P3H2: variants seen among roughly 807,000 people sequenced by gnomAD.
P3H2 encodes leprecan-like 1.
A neutral mutation model predicts 87.0 loss-of-function variants in P3H2; 80 were observed. That is an observed-to-expected ratio of 0.92 (90% CI 0.77 to 1.11). P3H2 has a LOEUF of 1.11. Among genes scored for constraint, P3H2 ranks in the 50% least tolerant of loss-of-function variants. The pLI, the probability that P3H2 is intolerant of heterozygous loss-of-function variation, is 0.00. For missense variants in P3H2, 1,001 were observed against 923.9 expected (o/e 1.08, Z -1.08); for synonymous variants, 367 against 359.3 (o/e 1.02, Z -0.24).
chr3:190,052,216 T>G (rs1726005140), intron 1 of P3H2, among the ~76,000 whole-genome samples: 1 of 152,084 alleles, frequency 6.6e-6, no homozygotes, highest in Admixed American at 6.6e-5. Context: ...CATTAAGTAT[T>G]TGTCCTAATG....
intron 1 of P3H2, among the ~76,000 whole-genome samples, chr3:190,053,892 T>C (rs1480177088): frequency 6.6e-6 from 1 of 152,222 alleles, no homozygotes; most frequent in African/African-American, 2.4e-5. Context: ...AAGATTTCCC[T>C]GTTTTCTTAA....
At position 190,069,996 on chromosome 3, in the gene P3H2, G is replaced by A. The variant is rs370883168; in HGVS notation, c.480+50256C>T. Among the ~76,000 whole-genome samples the A allele has an allele frequency of 5.9e-5, 9 of 151,982 alleles. No homozygotes were observed. In the East Asian group the frequency reaches 9.7e-4, roughly 16 times the overall value. ...CTTCTTTTTAAGTTGTGGTAACGGA[G>A]AAGTGAGGTGAAAGGTGGTTTACTT... On this transcript the variant is annotated intron_variant, in intron 1 of 14. Coordinates refer to ENST00000319332, the MANE Select transcript of P3H2 (RefSeq NM_018192.4).
At position 190,102,099 on chromosome 3, in the gene P3H2, A is replaced by G. The variant is rs575518880; in HGVS notation, c.480+18153T>C. Among the ~76,000 whole-genome samples the G allele has an allele frequency of 1.9e-4, 29 of 152,334 alleles. No individual in the cohort carries two copies. In the East Asian group the frequency reaches 4.0e-3, roughly 21 times the overall value. Reference sequence around the variant, plus strand: ...CTCAGAATAAAAGATTCATTTCAAAATATTACTGCTAATTGACAATGCTTC... The same window carrying G: ...CTCAGAATAAAAGATTCATTTCAAAGTATTACTGCTAATTGACAATGCTTC... On this transcript the variant is annotated intron_variant, in intron 1 of 14. Transcript: ENST00000319332.
intron 7 of P3H2, 74 bp downstream of exon 7, chr3:189,984,476 A>G (rs1352809013): frequency 9.2e-7 from 1 of 1,086,044 alleles, no homozygotes; most frequent in East Asian, 2.4e-5. Context: ...ATAGAGCTAC[A>G]TTTCTCTATG....
intron 3 of P3H2, among the ~76,000 whole-genome samples, chr3:189,989,704 G>A (rs1723820365): frequency 6.6e-6 from 1 of 152,088 alleles, no homozygotes; most frequent in African/African-American, 2.4e-5. Context: ...ACCAGAGACT[G>A]GTAAAACAGG....
chr3:189,960,443 A>G (rs1248757729), intron 14 of P3H2, among the ~76,000 whole-genome samples: 16 of 152,112 alleles, frequency 1.1e-4, no homozygotes, highest in Admixed American at 9.8e-4. Context: ...CAAGAGTTCT[A>G]TTTTCTTTGA....
chr3:190,105,715 G>A (rs753435076), intron 1 of P3H2, among the ~76,000 whole-genome samples: 1 of 152,070 alleles, frequency 6.6e-6, no homozygotes. Flanking sequence ...GTTTCCACAG[G>A]TAGACTGTTG....
chr3:190,051,729 A>C (rs4687121), intron 1 of P3H2, among the ~76,000 whole-genome samples: 90,768 of 152,092 alleles, frequency 0.6, 28,408 homozygotes, highest in Admixed American at 0.72. Flanking sequence ...TCCAAGATCT[A>C]ATCTGCCAGG....
intron 1 of P3H2, among the ~76,000 whole-genome samples, chr3:190,097,969 C>T (rs1577322638): frequency 6.6e-6 from 1 of 152,260 alleles, no homozygotes; most frequent in East Asian, 1.9e-4. Flanking sequence ...CTTTAGGTCA[C>T]ATTAAGCCTT....
At chr3:190,044,556 C>A (rs568245189) in intron 1 of P3H2, among the ~76,000 whole-genome samples, 52 of 152,288 alleles carry the variant, frequency 3.4e-4, no homozygotes, top group African/African-American at 1.2e-3. Flanking sequence ...AGAATCCTCA[C>A]CAGGGACACT....
At position 189,972,958 on chromosome 3, in the gene P3H2, G is replaced by T; in HGVS notation, c.1615C>A (p.Arg539=). The change falls in exon 11 of 15, where the codon CGA becomes AGA. Residue 539 remains arginine, a synonymous_variant. Transcript: ENST00000319332. ...RLFYDISEKA[R]RIVESYFMLN... ...ATAAAATAAGATTCTACAATCCTTC[G>T]AGCCTTTTCGCTGATGTCATAAAAC... 1 of 1,613,608 alleles carries T rather than the reference G, an allele frequency of 6.2e-7. No individual in the cohort carries two copies. The highest frequency in any genetic ancestry group is 8.5e-7 in the Non-Finnish European group (1 of 1,179,864).
intron 1 of P3H2, among the ~76,000 whole-genome samples, chr3:190,117,160 TA>T (rs1260002038): frequency 1.3e-5 from 2 of 152,242 alleles, no homozygotes; most frequent in African/African-American, 2.4e-5. Context: ...GGTATGCCAC[TA>T]AATATGTGAC....
chr3:190,087,263 G>A (rs1431606584), intron 1 of P3H2, among the ~76,000 whole-genome samples: 1 of 152,152 alleles, frequency 6.6e-6, no homozygotes, highest in Non-Finnish European at 1.5e-5. Context: ...GAGGCCGGGT[G>A]CGGTGGCTCA....
chr3:189,964,012 T>G lies in P3H2; in HGVS notation c.1980A>C (p.Gly660=), dbSNP rs1431342217. Residue 660 remains glycine, a synonymous_variant, in exon 14 of 15, where the codon GGA becomes GGC. Transcript: ENST00000319332. ...ACCACAGAGCCACAGCACACCTCTT[T>G]CCCTTGGTGACTGCCTTCACCCCAT... ...NPHGVKAVTK[G]KRCAVALWFT... is the part of the protein sequence containing the mutation. 1 of 1,614,154 alleles carries G rather than the reference T, an allele frequency of 6.2e-7. No individual in the cohort carries two copies. The highest frequency in any genetic ancestry group is 1.1e-5 in the South Asian group (1 of 91,088).
rs1723792447 is a variant in P3H2 at position 189,988,967 on chromosome 3, A to C, written c.895T>G (p.Ser299Ala). The part of the protein sequence containing the change: ...RELATRPGRL[S>A]PIENFLPLHY... ...AGAGGAAGAAAATTCTCGATGGGAG[A>C]GAGGCGGCCAGGGCGGGTGGCAAGT... Residue 299 changes from serine to alanine, a missense_variant, in exon 4 of 15, where the codon TCT (serine) becomes GCT (alanine). Ser to Ala is a moderately conservative substitution (Grantham distance 99). Coordinates refer to ENST00000319332, the MANE Select transcript of P3H2 (RefSeq NM_018192.4). 6.2e-7 allele frequency: 1 copy of C among 1,614,070 alleles called. No homozygotes were observed. Among genetic ancestry groups the C allele is most frequent in the East Asian group, 2.2e-5 (1 of 44,878 alleles).
intron 1 of P3H2, among the ~76,000 whole-genome samples, chr3:190,032,826 C>A (rs1322436779): frequency 1.3e-5 from 2 of 152,052 alleles, no homozygotes; most frequent in Non-Finnish European, 2.9e-5. Context: ...TTTCCATGCA[C>A]CACGGTGGGG....
At position 189,972,010 on chromosome 3, in the gene P3H2, GC is replaced by G; in HGVS notation, c.1700-4del. On this transcript the variant is annotated splice_polypyrimidine_tract_variant and splice_region_variant and intron_variant, in intron 11 of 14. Coordinates refer to ENST00000319332, the MANE Select transcript of P3H2 (RefSeq NM_018192.4). The stretch of plus-strand genomic sequence containing the variant: ...GTCATTTCTTCTATCCTGCTGACCT[GC>G]CAGAAAAGGGAATAGGGAAGAACGA... The G allele has an allele frequency of 6.4e-7, 1 of 1,564,102 alleles. No homozygotes were observed. The highest frequency in any genetic ancestry group is 8.8e-7 in the Non-Finnish European group (1 of 1,134,546).
intron 1 of P3H2, among the ~76,000 whole-genome samples, chr3:190,105,942 C>T (rs1711816319): frequency 6.6e-6 from 1 of 152,164 alleles, no homozygotes; most frequent in African/African-American, 2.4e-5. Context: ...CTCCCATTTA[C>T]CTGACTGCTA....
In P3H2 at chr3:189,973,053, C is replaced by A. The variant is rs777448692; in HGVS notation, c.1549-29G>T. On this transcript the variant is annotated intron_variant, in intron 10 of 14. Transcript: ENST00000319332. The stretch of plus-strand genomic sequence containing the variant: ...AAAAAAAAAAACAAAACATGAGAAA[C>A]AAATGGGTTCATTGGAGGTCGTAAG... 2.4e-5 allele frequency: 39 copies of A among 1,603,574 alleles called. 1 individual carries two copies. In the South Asian group the frequency reaches 3.9e-4, roughly 16 times the overall value.
Sources: gnomAD v4.1 joint callset for allele counts (sites outside exome capture counted in the v4.1 genomes callset) on GRCh38, gnomAD v4.1.1 for gene constraint, MANE v1.5 for transcripts, NCBI Gene and HGNC (gene_info 2026-07-23, HGNC 2026-07-21) for gene names.